PLCL1: variants seen among roughly 807,000 people sequenced by gnomAD.
The protein encoded by PLCL1 is inactive phospholipase C-like protein 1.
PLCL1 carries 41 observed loss-of-function variants against 84.4 expected under a neutral mutation model. The ratio of observed to expected loss-of-function variants is 0.49; its 90% CI spans 0.38 to 0.63. The LOEUF (loss-of-function observed/expected upper bound fraction) is 0.63, where lower values mean the gene tolerates loss of function less well. Ranked by LOEUF, PLCL1 falls within the 30% of genes least tolerant of loss-of-function variation. The probability of loss-of-function intolerance (pLI) is 0.00; values close to 1 mark genes in which losing one functional copy is unlikely to be tolerated. For synonymous variants in PLCL1, 490 were observed against 488.3 expected (o/e 1.00, Z -0.05); for missense variants, 1,206 against 1,367.8 (o/e 0.88, Z 1.87).
intron 1 of PLCL1, among the ~76,000 whole-genome samples, chr2:197,879,916 T>G (rs1366984493): frequency 6.6e-6 from 1 of 152,172 alleles, no homozygotes; most frequent in Non-Finnish European, 1.5e-5. Context: ...TGAAGGTAAT[T>G]AGTATTTAAT....
At chr2:197,885,315 A>T (rs768057082) in intron 1 of PLCL1, among the ~76,000 whole-genome samples, 7 of 152,196 alleles carry the variant, frequency 4.6e-5, no homozygotes, top group Non-Finnish European at 7.3e-5. Context: ...ATTCAGTCTG[A>T]GTCCGAAGGC....
At chr2:198,047,198 G>A (rs1384166632) in intron 1 of PLCL1, among the ~76,000 whole-genome samples, 6 of 149,918 alleles carry the variant, frequency 4.0e-5, no homozygotes, top group African/African-American at 1.5e-4. Flanking sequence ...TGTGTGTTTT[G>A]TTTTGAGAGG....
chr2:197,923,653 A>T (rs1281590407), intron 1 of PLCL1, among the ~76,000 whole-genome samples: 1 of 148,258 alleles, frequency 6.7e-6, no homozygotes, highest in Non-Finnish European at 1.5e-5. Context: ...GGCCGGGCGC[A>T]GACGCTCCTC....
chr2:197,966,738 A>T (rs961088387), intron 1 of PLCL1, among the ~76,000 whole-genome samples: 1 of 151,260 alleles, frequency 6.6e-6, no homozygotes, highest in Admixed American at 6.6e-5. Flanking sequence ...GGTTCTTATG[A>T]TGGTGCTTTT....
At chr2:198,078,528 T>TA (rs896703957) in intron 1 of PLCL1, among the ~76,000 whole-genome samples, 3 of 152,196 alleles carry the variant, frequency 2.0e-5, no homozygotes, top group African/African-American at 7.2e-5. Context: ...ATTAAATTTT[T>TA]ATTAATAATT....
chr2:198,019,015 A>G (rs1325787519), intron 1 of PLCL1, among the ~76,000 whole-genome samples: 1 of 152,158 alleles, frequency 6.6e-6, no homozygotes, highest in Non-Finnish European at 1.5e-5. Context: ...CCCCTCTGGG[A>G]CGAAGCTTCC....
At chr2:198,127,373 G>T (rs1694013594) in intron 5 of PLCL1, among the ~76,000 whole-genome samples, 1 of 152,084 alleles carries the variant, frequency 6.6e-6, no homozygotes, top group Admixed American at 6.6e-5. Context: ...CAAACAGTAA[G>T]TATAAAGATA....
intron 5 of PLCL1, among the ~76,000 whole-genome samples, chr2:198,120,049 C>T (rs890645898): frequency 1.3e-5 from 2 of 151,994 alleles, no homozygotes; most frequent in South Asian, 2.1e-4. Context: ...CATTGGATGC[C>T]TATGTGTCAT....
chr2:198,021,548 ATGATAAAGGGGAG>A (rs1691133355), intron 1 of PLCL1, among the ~76,000 whole-genome samples: 1 of 152,230 alleles, frequency 6.6e-6, no homozygotes, highest in Admixed American at 6.5e-5. Context: ...ACAATAAAAA[ATGATAAAGGGGAG>A]ATCACCACTG....
chr2:198,022,597 A>C (rs1691164390), intron 1 of PLCL1, among the ~76,000 whole-genome samples: 1 of 152,196 alleles, frequency 6.6e-6, no homozygotes, highest in Non-Finnish European at 1.5e-5. Context: ...ATTCCTACAC[A>C]CCAATAACAG....
At chr2:197,955,413 T>G (rs1378978465) in intron 1 of PLCL1, among the ~76,000 whole-genome samples, 2 of 149,368 alleles carry the variant, frequency 1.3e-5, no homozygotes, top group African/African-American at 4.9e-5. Flanking sequence ...TTTATCTAAT[T>G]TTTTTCTTTA....
intron 1 of PLCL1, among the ~76,000 whole-genome samples, chr2:197,886,131 G>A (rs1210772275): frequency 6.6e-6 from 1 of 152,076 alleles, no homozygotes; most frequent in Admixed American, 6.5e-5. Context: ...AAAATTCCTA[G>A]CTGGGAGCAG....
chr2:198,075,667 C>G (rs1692561820), intron 1 of PLCL1, among the ~76,000 whole-genome samples: 1 of 152,174 alleles, frequency 6.6e-6, no homozygotes, highest in Non-Finnish European at 1.5e-5. Flanking sequence ...CTTTTATGCT[C>G]CCTTGTGGGC....
At chr2:197,813,246 T>G (rs1690624310) in intron 1 of PLCL1, among the ~76,000 whole-genome samples, 1 of 152,182 alleles carries the variant, frequency 6.6e-6, no homozygotes, top group South Asian at 2.1e-4. Context: ...CCATGCTATG[T>G]GCACTCTGAC....
At chr2:197,956,254 T>C (rs1689491575) in intron 1 of PLCL1, among the ~76,000 whole-genome samples, 1 of 152,172 alleles carries the variant, frequency 6.6e-6, no homozygotes, top group African/African-American at 2.4e-5. Context: ...AAGTCTATGC[T>C]TTGTAAATAG....
At chr2:197,868,222 A>T (rs1687584035) in intron 1 of PLCL1, among the ~76,000 whole-genome samples, 1 of 152,192 alleles carries the variant, frequency 6.6e-6, no homozygotes, top group South Asian at 2.1e-4. Context: ...AAGTGTTCAT[A>T]TAGTCTTTTC....
At chr2:197,925,594 A>G (rs1226762473) in intron 1 of PLCL1, among the ~76,000 whole-genome samples, 1 of 152,216 alleles carries the variant, frequency 6.6e-6, no homozygotes, top group Non-Finnish European at 1.5e-5. Flanking sequence ...GCCTGTACCC[A>G]CATCTTCTCA....
chr2:198,137,674 T>C (rs1211514146), intron 5 of PLCL1, among the ~76,000 whole-genome samples: 3 of 152,202 alleles, frequency 2.0e-5, no homozygotes, highest in Non-Finnish European at 4.4e-5. Flanking sequence ...TGCCTGCTCA[T>C]CTTGCAAATC....
At chr2:197,926,202 G>A (rs1035566534) in intron 1 of PLCL1, among the ~76,000 whole-genome samples, 5 of 152,210 alleles carry the variant, frequency 3.3e-5, no homozygotes, top group Admixed American at 2.6e-4. Flanking sequence ...ATGCTGTAGA[G>A]CCCCAAACCA....
Sources: gnomAD v4.1 joint callset for allele counts (sites outside exome capture counted in the v4.1 genomes callset) on GRCh38, gnomAD v4.1.1 for gene constraint, MANE v1.5 for transcripts, NCBI Gene and HGNC (gene_info 2026-07-23, HGNC 2026-07-21) for gene names.